Variants in IMMP2L observed in about 807,000 individuals in gnomAD.
IMMP2L encodes the protein mitochondrial inner membrane protease subunit 2.
In IMMP2L, 18 loss-of-function variants were observed where a neutral mutation model predicts 19.3. That is an observed-to-expected ratio of 0.93 (90% CI 0.64 to 1.38). The LOEUF is 1.38. IMMP2L is among the 40% of genes most tolerant of loss of function. IMMP2L has a pLI of 0.00. For missense variants in IMMP2L, 233 were observed against 218.2 expected (o/e 1.07, Z -0.43); for synonymous variants, 76 against 73.0 (o/e 1.04, Z -0.21).
rs573345719 is a variant in IMMP2L, at chr7:110,719,674, A to T, written c.409-55953T>A. Among the ~76,000 whole-genome samples the T allele has an allele frequency of 7.9e-5, 12 of 152,314 alleles. No individual in the cohort carries two copies. In the South Asian group the frequency reaches 2.5e-3, roughly 32 times the overall value. ...TATTCTTCTTGAACATCTTTGAAGG[A>T]ATCATCAAAGAAGCAAAATGTCATC... is the stretch of plus-strand genomic sequence containing the variant. On this transcript the variant is annotated intron_variant, in intron 5 of 5. Coordinates refer to ENST00000405709, the MANE Select transcript of IMMP2L (RefSeq NM_032549.4).
intron 5 of IMMP2L, among the ~76,000 whole-genome samples, chr7:110,679,818 T>C (rs1002370559): frequency 6.6e-6 from 1 of 152,008 alleles, no homozygotes; most frequent in Non-Finnish European, 1.5e-5. Flanking sequence ...AGAAGATAAA[T>C]AAAAGTAACA....
chr7:110,778,048 A>G lies in IMMP2L; in HGVS notation c.408+108545T>C, dbSNP rs1261405622. ...GCTGGGTTAGGAAGAAGATGAGACT[A>G]TGTCAACTTTACTAAGATGAACATC... is the stretch of plus-strand genomic sequence containing the variant. On this transcript the variant is annotated intron_variant, in intron 5 of 5. Coordinates refer to ENST00000405709, the MANE Select transcript of IMMP2L (RefSeq NM_032549.4). Among the ~76,000 whole-genome samples the G allele has an allele frequency of 2.0e-5, 3 of 151,968 alleles. No individual in the cohort carries two copies. In the East Asian group the frequency reaches 5.8e-4, roughly 30 times the overall value.
chr7:110,953,675 T>A (rs1035156578), intron 4 of IMMP2L, among the ~76,000 whole-genome samples: 1 of 152,142 alleles, frequency 6.6e-6, no homozygotes, highest in Non-Finnish European at 1.5e-5. Context: ...ATCCTTTGGG[T>A]ATATACCCAG....
At chr7:110,700,064 G>C (rs1246797788) in intron 5 of IMMP2L, among the ~76,000 whole-genome samples, 1 of 152,130 alleles carries the variant, frequency 6.6e-6, no homozygotes, top group Non-Finnish European at 1.5e-5. Flanking sequence ...TAACAACACA[G>C]CCCAGTTGAC....
At chr7:110,934,133 A>C (rs888978286) in intron 4 of IMMP2L, among the ~76,000 whole-genome samples, 2 of 152,136 alleles carry the variant, frequency 1.3e-5, no homozygotes, top group African/African-American at 4.8e-5. Context: ...TTCAGTTTCC[A>C]TGTAGTTGGG....
chr7:110,716,754 A>T (rs1475332361), intron 5 of IMMP2L, among the ~76,000 whole-genome samples: 1 of 152,180 alleles, frequency 6.6e-6, no homozygotes, highest in African/African-American at 2.4e-5. Context: ...GGAATGGTGA[A>T]CTCTGAAAAG....
intron 5 of IMMP2L, among the ~76,000 whole-genome samples, chr7:110,675,923 C>T (rs186286230): frequency 6.6e-6 from 1 of 152,224 alleles, no homozygotes; most frequent in East Asian, 1.9e-4. Context: ...ATTATTTTGA[C>T]AAGTGAACAT....
At chr7:110,699,763 C>CAAA (rs55970868) in intron 5 of IMMP2L, among the ~76,000 whole-genome samples, 6 of 137,994 alleles carry the variant, frequency 4.3e-5, no homozygotes, top group Admixed American at 7.2e-5. Context: ...GACTCTACCT[C>CAAA]AAAAAAAAAA....
At chr7:111,403,963 C>T (rs1833692622) in intron 3 of IMMP2L, among the ~76,000 whole-genome samples, 1 of 152,024 alleles carries the variant, frequency 6.6e-6, no homozygotes, top group South Asian at 2.1e-4. Context: ...AAGAGGCATA[C>T]TTGGAACAAC....
At chr7:110,833,967 T>C (rs1221398158) in intron 5 of IMMP2L, among the ~76,000 whole-genome samples, 1 of 152,172 alleles carries the variant, frequency 6.6e-6, no homozygotes, top group Non-Finnish European at 1.5e-5. Context: ...AGGTAAACAA[T>C]GAGAACTAGA....
intron 3 of IMMP2L, among the ~76,000 whole-genome samples, chr7:111,009,408 C>T (rs1445532149): frequency 6.6e-6 from 1 of 151,922 alleles, no homozygotes; most frequent in Non-Finnish European, 1.5e-5. Context: ...TTGATCTTAA[C>T]AATTTCTCTA....
At chr7:111,430,094 T>G (rs1836477479) in intron 3 of IMMP2L, among the ~76,000 whole-genome samples, 1 of 151,902 alleles carries the variant, frequency 6.6e-6, no homozygotes, top group Non-Finnish European at 1.5e-5. Context: ...CTTAAGATAC[T>G]CATCCTCTCA....
chr7:111,423,037 T>C (rs1403447628), intron 3 of IMMP2L, among the ~76,000 whole-genome samples: 1 of 151,908 alleles, frequency 6.6e-6, no homozygotes, highest in African/African-American at 2.4e-5. Context: ...TTTGCATATA[T>C]TGAACCAGCC....
intron 3 of IMMP2L, among the ~76,000 whole-genome samples, chr7:111,361,009 T>C (rs969772400): frequency 3.3e-5 from 5 of 152,082 alleles, no homozygotes; most frequent in African/African-American, 1.2e-4. Flanking sequence ...TAAATATTGA[T>C]GAAACTAACC....
At chr7:110,785,242 T>C (rs1473858405) in intron 5 of IMMP2L, among the ~76,000 whole-genome samples, 1 of 151,986 alleles carries the variant, frequency 6.6e-6, no homozygotes, top group Non-Finnish European at 1.5e-5. Flanking sequence ...AAACAAGGCT[T>C]GTCATCTTTT....
chr7:110,911,762 A>G (rs1189514046), intron 4 of IMMP2L, among the ~76,000 whole-genome samples: 1 of 152,146 alleles, frequency 6.6e-6, no homozygotes, highest in East Asian at 1.9e-4. Context: ...CATATTTATC[A>G]AGGAAGAAAG....
chr7:111,366,579 G>A (rs757376382), intron 3 of IMMP2L, among the ~76,000 whole-genome samples: 1 of 151,850 alleles, frequency 6.6e-6, no homozygotes, highest in Non-Finnish European at 1.5e-5. Context: ...AATATGAATG[G>A]TAAGTTAGGT....
intron 5 of IMMP2L, among the ~76,000 whole-genome samples, chr7:110,745,177 T>C (rs1281525311): frequency 6.6e-6 from 1 of 151,844 alleles, no homozygotes; most frequent in Non-Finnish European, 1.5e-5. Context: ...CTCAATGAAA[T>C]AAAGCAAGCA....
intron 3 of IMMP2L, among the ~76,000 whole-genome samples, chr7:110,996,194 T>C (rs1823009211): frequency 6.6e-6 from 1 of 152,164 alleles, no homozygotes; most frequent in Non-Finnish European, 1.5e-5. Context: ...GCATCTGACC[T>C]AGTTCGGAAA....
Sources: allele counts gnomAD v4.1 joint callset (sites outside exome capture counted in the v4.1 genomes callset), GRCh38; gene constraint gnomAD v4.1.1; transcripts MANE v1.5; gene names NCBI Gene and HGNC (gene_info 2026-07-23, HGNC 2026-07-21).